Variants in CHRM3 observed in about 807,000 individuals in gnomAD.
CHRM3 encodes muscarinic acetylcholine receptor M3.
Under a neutral mutation model 41.8 loss-of-function variants are expected in CHRM3, and 11 were observed. That is an observed-to-expected ratio of 0.26 (90% CI 0.17 to 0.44). The LOEUF (loss-of-function observed/expected upper bound fraction) is 0.44. CHRM3 is among the 20% of genes least tolerant of loss of function. The pLI is 1.00. For synonymous variants in CHRM3, 297 were observed against 301.4 expected (o/e 0.99, Z 0.15); for missense variants, 571 against 745.4 (o/e 0.77, Z 2.72).
chr1:239,789,096 G>A (rs1181117737), intron 5 of CHRM3, among the ~76,000 whole-genome samples: 3 of 152,080 alleles, frequency 2.0e-5, no homozygotes, highest in Non-Finnish European at 4.4e-5. Context: ...TTCAAATGTG[G>A]TCTCCAAGGT....
chr1:239,424,054 CAAAAAAAAAAAA>C lies in CHRM3; in HGVS notation c.-521+36833_-521+36844del, dbSNP rs772980892. Among the ~76,000 whole-genome samples the C allele has an allele frequency of 2.0e-4, 16 of 78,918 alleles. 1 individual carries two copies. The highest frequency in any genetic ancestry group is 6.5e-4 in the African/African-American group (14 of 21,392). 51.8% of individuals were successfully genotyped at this position (78,918 alleles called of 152,430 possible). ...TGGGCAACAGAGCGAGACTCTGTCT[CAAAAAAAAAAAA>C]AAAAAGAAAAAAAAAAGTCAAGCCA... On this transcript the variant is annotated intron_variant, in intron 1 of 6. Transcript: ENST00000676153.
intron 5 of CHRM3, among the ~76,000 whole-genome samples, chr1:239,802,057 C>G (rs775120579): frequency 1.3e-5 from 2 of 151,936 alleles, no homozygotes; most frequent in Non-Finnish European, 2.9e-5. Context: ...AAACTTAGTT[C>G]TCTTCTATTC....
chr1:239,403,717 C>T (rs990379156), intron 1 of CHRM3, among the ~76,000 whole-genome samples: 2 of 151,924 alleles, frequency 1.3e-5, no homozygotes, highest in Admixed American at 1.3e-4. Flanking sequence ...ACTTGGAAAG[C>T]TTTCAATCAC....
At chr1:239,462,120 C>A (rs1010423913) in intron 1 of CHRM3, among the ~76,000 whole-genome samples, 10 of 151,984 alleles carry the variant, frequency 6.6e-5, no homozygotes, top group Admixed American at 2.6e-4. Flanking sequence ...AATTTTTTAT[C>A]TTTTTCTCTG....
intron 6 of CHRM3, among the ~76,000 whole-genome samples, chr1:239,893,796 T>G (rs1678752946): frequency 1.4e-5 from 2 of 147,466 alleles, no homozygotes; most frequent in East Asian, 4.0e-4. Context: ...GAAATCAAAA[T>G]AAAATTGTAG....
intron 1 of CHRM3, among the ~76,000 whole-genome samples, chr1:239,432,616 T>G (rs1662916253): frequency 6.6e-6 from 1 of 152,110 alleles, no homozygotes; most frequent in African/African-American, 2.4e-5. Flanking sequence ...CTTTGAAAAC[T>G]TAGCTTTGAC....
At chr1:239,505,259 GGAT>G (rs3028735) in intron 2 of CHRM3, among the ~76,000 whole-genome samples, 112,125 of 144,752 alleles carry the variant, frequency 0.77, 45,684 homozygotes, top group Non-Finnish European at 0.89. Flanking sequence ...CTGTTTCCTG[GGAT>G]GATGATGATG....
chr1:239,483,731 TG>T (rs1475785576), intron 1 of CHRM3, among the ~76,000 whole-genome samples: 14 of 152,162 alleles, frequency 9.2e-5, no homozygotes, highest in Admixed American at 2.6e-4. Flanking sequence ...AAACAGAAAG[TG>T]GTGTTAATAA....
At chr1:239,511,303 C>T (rs1668901974) in intron 2 of CHRM3, among the ~76,000 whole-genome samples, 1 of 152,102 alleles carries the variant, frequency 6.6e-6, no homozygotes, top group Non-Finnish European at 1.5e-5. Context: ...CTATGCAGTA[C>T]TGGTTATTGT....
intron 5 of CHRM3, among the ~76,000 whole-genome samples, chr1:239,744,658 A>G (rs1171681561): frequency 5.3e-5 from 8 of 152,120 alleles, no homozygotes; most frequent in Non-Finnish European, 5.9e-5. Context: ...AGGGAAAGGT[A>G]TATTTTAGAG....
rs149072245 is a variant in CHRM3, at chr1:239,490,840, G to A, written c.-520-1869G>A. Among the ~76,000 whole-genome samples, 310 of 152,042 alleles carry A rather than the reference G, an allele frequency of 2.0e-3. 2 individuals carry two copies. Among genetic ancestry groups the A allele is most frequent in the Non-Finnish European group, 3.5e-3 (240 of 67,972 alleles). On this transcript the variant is annotated intron_variant, in intron 1 of 6. Transcript: ENST00000676153. ...CAGCTCACTGCAGCCTCATTCTTCC[G>A]GGGCTGACTTCCACTTCAGCCTCCC...
chr1:239,708,338 T>G (rs961864557), intron 5 of CHRM3, among the ~76,000 whole-genome samples: 7 of 152,196 alleles, frequency 4.6e-5, no homozygotes, highest in Admixed American at 4.6e-4. Flanking sequence ...AAGCTTGGAT[T>G]AGCTCTTACT....
At position 239,801,716 on chromosome 1, in the gene CHRM3, A is replaced by T. The variant is rs191251923; in HGVS notation, c.-146-25536A>T. Reference sequence around the variant, plus strand: ...ACTAGGTGAATAGTTAATGTGTTTCATTCCTTACATAAAAAGAATTTTAAA... The same window carrying T: ...ACTAGGTGAATAGTTAATGTGTTTCTTTCCTTACATAAAAAGAATTTTAAA... On this transcript the variant is annotated intron_variant, in intron 5 of 6. Transcript: ENST00000676153. 4.0e-3 allele frequency among the ~76,000 whole-genome samples: 606 copies of T among 152,320 alleles called. 6 individuals are homozygous for T. The highest frequency in any genetic ancestry group is 0.031 in the Middle Eastern group (9 of 294).
At chr1:239,526,772 C>T (rs1257458441) in intron 2 of CHRM3, among the ~76,000 whole-genome samples, 1 of 152,166 alleles carries the variant, frequency 6.6e-6, no homozygotes, top group Admixed American at 6.6e-5. Flanking sequence ...TATCAGTAAC[C>T]ACATTAATAA....
intron 5 of CHRM3, among the ~76,000 whole-genome samples, chr1:239,788,990 T>C (rs1305099259): frequency 6.6e-6 from 1 of 152,236 alleles, no homozygotes; most frequent in Non-Finnish European, 1.5e-5. Context: ...CATTATCTTA[T>C]ATTTCGCTTG....
At chr1:239,612,662 T>C (rs763921034) in intron 3 of CHRM3, among the ~76,000 whole-genome samples, 1 of 152,214 alleles carries the variant, frequency 6.6e-6, no homozygotes, top group Non-Finnish European at 1.5e-5. Flanking sequence ...CCAGGCTTTC[T>C]TTCCCATTCC....
chr1:239,903,819 A>C (rs763520692), intron 6 of CHRM3, among the ~76,000 whole-genome samples: 7 of 152,190 alleles, frequency 4.6e-5, no homozygotes, highest in Non-Finnish European at 7.3e-5. Context: ...TCAAATCTCC[A>C]AATCAACCCT....
At chr1:239,466,065 C>T (rs1352918123) in intron 1 of CHRM3, among the ~76,000 whole-genome samples, 1 of 152,168 alleles carries the variant, frequency 6.6e-6, no homozygotes, top group African/African-American at 2.4e-5. Context: ...GTGATCTCCG[C>T]TCACTGCAGC....
At chr1:239,796,403 G>A (rs150003979) in intron 5 of CHRM3, among the ~76,000 whole-genome samples, 169 of 152,230 alleles carry the variant, frequency 1.1e-3, no homozygotes, top group African/African-American at 3.6e-3. Context: ...CAAGAGGAAC[G>A]TATACCACCA....
Sources: gnomAD v4.1 joint callset for allele counts (sites outside exome capture counted in the v4.1 genomes callset) on GRCh38, gnomAD v4.1.1 for gene constraint, MANE v1.5 for transcripts, NCBI Gene and HGNC (gene_info 2026-07-23, HGNC 2026-07-21) for gene names.